The following BCKDHB variants were observed in gnomAD, a reference collection of about 807,000 sequenced individuals.
BCKDHB encodes branched chain keto acid dehydrogenase E1 subunit beta.
BCKDHB carries 41 observed loss-of-function variants against 48.5 expected under a neutral mutation model. The ratio of observed to expected loss-of-function variants is 0.85; its 90% confidence interval spans 0.66 to 1.10. The LOEUF (loss-of-function observed/expected upper bound fraction) is 1.10, where lower values mean the gene tolerates loss of function less well. Among genes scored for constraint, BCKDHB ranks in the 50% least tolerant of loss-of-function variants. The pLI, the probability that BCKDHB is intolerant of heterozygous loss-of-function variation, is 0.00. For missense variants in BCKDHB, 496 were observed against 494.2 expected (o/e 1.00, Z -0.03); for synonymous variants, 201 against 174.8 (o/e 1.15, Z -1.18).
the BCKDHB span, among the ~76,000 whole-genome samples, chr6:80,460,162 A>G: frequency 6.6e-6 from 1 of 152,214 alleles, no homozygotes; most frequent in Non-Finnish European, 1.5e-5. Flanking sequence ...TTTAACAGCA[A>G]GAACCTTTGA....
chr6:80,123,892 T>G, intron 1 of BCKDHB, among the ~76,000 whole-genome samples: 1 of 152,212 alleles, frequency 6.6e-6, no homozygotes, highest in Non-Finnish European at 1.5e-5. Context: ...CTCTATCTCT[T>G]TCAGTTCTGC....
chr6:80,368,322 G>T, the BCKDHB span, among the ~76,000 whole-genome samples: 19 of 152,170 alleles, frequency 1.2e-4, no homozygotes, highest in Non-Finnish European at 5.9e-5. Context: ...GTACAAAGCT[G>T]ATCACATGGT....
At chr6:80,425,989 T>C in the BCKDHB span, among the ~76,000 whole-genome samples, 1 of 152,168 alleles carries the variant, frequency 6.6e-6, no homozygotes, top group East Asian at 1.9e-4. Flanking sequence ...CTGACATGGG[T>C]CTGGTGCAGA....
rs192518443 is a variant in BCKDHB, at chr6:80,121,215, G to A, written c.197-6332G>A. The stretch of plus-strand genomic sequence containing the variant: ...TTTGAGGCCTCTGTTCTGTTCCATT[G>A]ATCTATATCTCTGTTTTGGTACCAG... On this transcript the variant is annotated intron_variant, in intron 1 of 9. Transcript: ENST00000320393. 6.3e-3 allele frequency among the ~76,000 whole-genome samples: 955 copies of A among 151,878 alleles called. 11 individuals carry two copies. The highest frequency in any genetic ancestry group is 9.7e-3 in the Non-Finnish European group (657 of 67,890).
At chr6:80,139,663 G>A (rs9359410) in intron 3 of BCKDHB, among the ~76,000 whole-genome samples, 9,202 of 151,640 alleles carry the variant, frequency 0.061, 290 homozygotes, top group Middle Eastern at 0.082. Flanking sequence ...ATTGATCTAT[G>A]TCTCTGTTTT....
chr6:80,180,789 A>G (rs1345171476), intron 6 of BCKDHB, among the ~76,000 whole-genome samples: 2 of 152,226 alleles, frequency 1.3e-5, no homozygotes, highest in Admixed American at 6.5e-5. Flanking sequence ...GTGTACGTAA[A>G]GAGAGAAATT....
intron 9 of BCKDHB, among the ~76,000 whole-genome samples, chr6:80,334,640 A>T (rs1019682578): frequency 1.6e-3 from 27 of 16,994 alleles, no homozygotes; most frequent in Non-Finnish European, 3.2e-3. Flanking sequence ...TAACTGTTAA[A>T]AAAAAAAAAA....
intron 2 of BCKDHB, among the ~76,000 whole-genome samples, chr6:80,127,853 G>T (rs1770426730): frequency 6.6e-6 from 1 of 152,082 alleles, no homozygotes; most frequent in African/African-American, 2.4e-5. Context: ...GTGTGGTCCT[G>T]ATATTGTATT....
At chr6:80,118,688 A>T (rs948095927) in intron 1 of BCKDHB, among the ~76,000 whole-genome samples, 1 of 152,250 alleles carries the variant, frequency 6.6e-6, no homozygotes, top group East Asian at 1.9e-4. Flanking sequence ...TTTATCAGCT[A>T]AGTTTGTGTA....
chr6:80,232,888 T>G (rs1377243535), intron 8 of BCKDHB, among the ~76,000 whole-genome samples: 1 of 151,926 alleles, frequency 6.6e-6, no homozygotes, highest in Non-Finnish European at 1.5e-5. Flanking sequence ...TGCTTGAGTC[T>G]TTTAATCAAG....
Position 80,167,732 on chromosome 6 carries a change from GA to G in BCKDHB, c.400del (p.Ile134SerfsTer96). 1 of 1,612,524 alleles carries G rather than the reference GA, an allele frequency of 6.2e-7. No individual in the cohort carries two copies. The highest frequency in any genetic ancestry group is 8.5e-7 in the Non-Finnish European group (1 of 1,178,612). On this transcript the variant is annotated frameshift_variant, in exon 4 of 10. Transcript: ENST00000320393. LOFTEE classifies it high-confidence loss of function. ...TGTGAACAAGGAATTGTTGGATTTGGAATCGGAATTGCGGTCACTGGAGCTA... is the reference window on the plus strand; with the variant it reads ...TGTGAACAAGGAATTGTTGGATTTGGATCGGAATTGCGGTCACTGGAGCTA... Reference protein sequence around the residue: ...PLCEQGIVGFGIGIAVTGATA... With the variant: ...PLCEQGIVGFXIGIAVTGATA...
chr6:80,169,456 G>A (rs911545135), intron 5 of BCKDHB, among the ~76,000 whole-genome samples: 2 of 151,946 alleles, frequency 1.3e-5, no homozygotes, highest in Non-Finnish European at 2.9e-5. Context: ...TGCTTTTAAT[G>A]TATTTCTTAC....
chr6:80,361,751 C>G, the BCKDHB span, among the ~76,000 whole-genome samples: 1 of 152,138 alleles, frequency 6.6e-6, no homozygotes, highest in Non-Finnish European at 1.5e-5. Flanking sequence ...CTCTGTTACA[C>G]CAAGGCTTGG....
rs997559027 is a variant in BCKDHB at position 80,234,026 on chromosome 6, G to A, written c.951+30814G>A. Among the ~76,000 whole-genome samples, 11 of 152,068 alleles carry A rather than the reference G, an allele frequency of 7.2e-5. 1 individual carries two copies. In the East Asian group the frequency reaches 7.8e-4, roughly 11 times the overall value. ...CAGGCATTAGATTCTCATAAGGAGC[G>A]TGCACCCTAGATCCCTCGCATGCAC... is the stretch of plus-strand genomic sequence containing the variant. On this transcript the variant is annotated intron_variant, in intron 8 of 9. Transcript: ENST00000320393.
At chr6:80,343,597 G>A (rs1770031562) in intron 9 of BCKDHB, 67 bp from the exon 10 acceptor site, 2 of 1,499,120 alleles carry the variant, frequency 1.3e-6, no homozygotes, top group Non-Finnish European at 1.9e-6. Flanking sequence ...AATATTTTAA[G>A]TTGCACTATT....
intron 8 of BCKDHB, among the ~76,000 whole-genome samples, chr6:80,205,377 C>T (rs1209292181): frequency 6.6e-6 from 1 of 151,760 alleles, no homozygotes; most frequent in East Asian, 1.9e-4. Flanking sequence ...GAGTTTTATT[C>T]GTTGTGTGTC....
chr6:80,292,078 G>T (rs373561398), intron 9 of BCKDHB, among the ~76,000 whole-genome samples: 1 of 152,148 alleles, frequency 6.6e-6, no homozygotes, highest in South Asian at 2.1e-4. Context: ...GGGGCTCCTG[G>T]GCCTGTCATA....
the BCKDHB span, among the ~76,000 whole-genome samples, chr6:80,417,281 G>A: frequency 8.7e-4 from 132 of 152,088 alleles, no homozygotes; most frequent in Middle Eastern, 0.01. Context: ...TTATATCAGT[G>A]GGTCTTGGTT....
intron 6 of BCKDHB, among the ~76,000 whole-genome samples, chr6:80,196,876 A>G (rs971779427): frequency 1.3e-5 from 2 of 152,222 alleles, no homozygotes; most frequent in Non-Finnish European, 2.9e-5. Context: ...CATTAAAAAA[A>G]TCTATCCTGT....
Sources: allele counts gnomAD v4.1 joint callset (sites outside exome capture counted in the v4.1 genomes callset), GRCh38; gene constraint gnomAD v4.1.1; transcripts MANE v1.5; gene names NCBI Gene and HGNC (gene_info 2026-07-23, HGNC 2026-07-21).